Variants in MKLN1 observed in about 807,000 individuals in gnomAD.
MKLN1 encodes the protein muskelin.
Under a neutral mutation model 99.0 loss-of-function variants are expected in MKLN1, and 18 were observed. The ratio of observed to expected loss-of-function variants is 0.18; its 90% confidence interval spans 0.13 to 0.27. The LOEUF (loss-of-function observed/expected upper bound fraction) is 0.27, where lower values mean the gene tolerates loss of function less well. Among genes scored for constraint, MKLN1 ranks in the 10% least tolerant of loss-of-function variants. The pLI is 1.00. For missense variants in MKLN1, 621 were observed against 875.9 expected (o/e 0.71, Z 3.67); for synonymous variants, 288 against 293.2 (o/e 0.98, Z 0.18).
chr7:131,231,234 C>T (rs1797239899), intron 3 of MKLN1, among the ~76,000 whole-genome samples: 1 of 150,710 alleles, frequency 6.6e-6, no homozygotes, highest in Non-Finnish European at 1.5e-5. Context: ...GGACAGTTAG[C>T]ATGTCAGGAA....
intron 17 of MKLN1, among the ~76,000 whole-genome samples, chr7:131,484,362 C>T (rs553501790): frequency 3.0e-4 from 46 of 152,260 alleles, no homozygotes; most frequent in South Asian, 1.0e-3. Context: ...CCCTCCCTAG[C>T]TGTGAGACTT....
chr7:131,115,218 C>T (rs1025992329), intron 1 of MKLN1, among the ~76,000 whole-genome samples: 2 of 152,188 alleles, frequency 1.3e-5, no homozygotes, highest in African/African-American at 4.8e-5. Context: ...AAATACTACA[C>T]TAATAGAATT....
chr7:131,240,464 A>C (rs985414972), intron 3 of MKLN1, among the ~76,000 whole-genome samples: 3 of 151,844 alleles, frequency 2.0e-5, no homozygotes, highest in African/African-American at 7.3e-5. Flanking sequence ...CAAACGTTTA[A>C]AAATTTTTTC....
chr7:131,149,667 A>G lies in MKLN1; in HGVS notation c.-297+6726A>G, dbSNP rs1795861620. On this transcript the variant is annotated intron_variant, in intron 2 of 7. Coordinates refer to the MKLN1 transcript ENST00000416992. ...CCACATTCCAAACAAACAGTTTTTC[A>G]TAAAGCTATGAGTACATGAATAGAG... Among the ~76,000 whole-genome samples, 3 of 152,240 alleles carry G rather than the reference A, an allele frequency of 2.0e-5. No homozygotes were observed. In the South Asian group the frequency reaches 6.2e-4, roughly 31 times the overall value.
At chr7:131,189,698 A>G (rs902078424) in intron 2 of MKLN1, among the ~76,000 whole-genome samples, 7 of 152,178 alleles carry the variant, frequency 4.6e-5, no homozygotes, top group Non-Finnish European at 1.5e-5. Flanking sequence ...ATACTTCTGT[A>G]GTAATAGCAG....
chr7:131,187,482 A>G (rs571551323), intron 2 of MKLN1, among the ~76,000 whole-genome samples: 94 of 152,208 alleles, frequency 6.2e-4, no homozygotes, highest in Non-Finnish European at 8.7e-4. Flanking sequence ...TGTTTCTGTA[A>G]TTAAGTTTTA....
Position 131,478,692 on chromosome 7 carries a change from A to G in MKLN1, c.2086+15A>G, listed in dbSNP as rs1331188854. The G allele has an allele frequency of 5.0e-6, 8 of 1,606,530 alleles. No individual in the cohort carries two copies. Among genetic ancestry groups the G allele is most frequent in the Non-Finnish European group, 6.8e-6 (8 of 1,178,870 alleles). On this transcript the variant is annotated intron_variant, in intron 17 of 17. Coordinates refer to ENST00000352689, the MANE Select transcript of MKLN1 (RefSeq NM_013255.5). ...TACAGCTCTGGGTAAGTATTGCAGT[A>G]TAATTTATCCAGCTAGATGCCCTAG...
At chr7:131,382,460 G>C (rs923090582) in intron 2 of MKLN1, among the ~76,000 whole-genome samples, 7 of 151,676 alleles carry the variant, frequency 4.6e-5, no homozygotes, top group African/African-American at 1.7e-4. Context: ...TTGTATGCTT[G>C]TTGCCTTCTT....
intron 5 of MKLN1, among the ~76,000 whole-genome samples, chr7:131,398,213 G>A (rs1262878750): frequency 6.6e-6 from 1 of 152,014 alleles, no homozygotes; most frequent in Non-Finnish European, 1.5e-5. Flanking sequence ...GAAGTTTGAG[G>A]TAGTCCCAGA....
At chr7:131,172,728 C>T (rs1796235189) in intron 2 of MKLN1, among the ~76,000 whole-genome samples, 1 of 152,194 alleles carries the variant, frequency 6.6e-6, no homozygotes, top group Non-Finnish European at 1.5e-5. Context: ...CCTATAGTAA[C>T]TGCAGCAAGA....
At chr7:131,235,403 A>G (rs1797306829) in intron 3 of MKLN1, among the ~76,000 whole-genome samples, 1 of 152,016 alleles carries the variant, frequency 6.6e-6, no homozygotes, top group South Asian at 2.1e-4. Flanking sequence ...AGCAGAATGT[A>G]TGTTTCATTC....
At chr7:131,363,681 A>T (rs1264824388) in intron 1 of MKLN1, among the ~76,000 whole-genome samples, 1 of 151,298 alleles carries the variant, frequency 6.6e-6, no homozygotes, top group East Asian at 1.9e-4. Flanking sequence ...TTATTTTTAC[A>T]TGAGTGGTTC....
intron 3 of MKLN1, among the ~76,000 whole-genome samples, chr7:131,235,244 G>C (rs1183646877): frequency 6.6e-6 from 1 of 151,448 alleles, no homozygotes; most frequent in East Asian, 1.9e-4. Flanking sequence ...CTCTCTCTCT[G>C]TCTTTGTGTG....
In MKLN1 at chr7:131,327,930, C is replaced by T. The variant is rs568997806; in HGVS notation, c.31C>T (p.Pro11Ser). The T allele has an allele frequency of 1.8e-5, 29 of 1,613,300 alleles. No homozygotes were observed. In the East Asian group the frequency reaches 2.0e-4, roughly 11 times the overall value. MAAGGAVAAAPECRLLPYALH... is the reference protein window; with the variant it reads MAAGGAVAAASECRLLPYALH... ...GGCTGGCGGAGCTGTCGCTGCGGCG[C>T]CCGAGTGCCGGCTTCTCCCCTACGC... is the stretch of plus-strand genomic sequence containing the variant. Residue 11 changes from proline (P) to serine (S), a missense_variant, in exon 1 of 18, where the codon CCC becomes TCC. By Grantham distance (74) the Pro-to-Ser change is moderately conservative. Around this residue, in one of 8 missense-constraint regions of MKLN1, gnomAD observed 58 missense variants for 40.0 expected, o/e 1.45. Transcript: ENST00000352689.
At chr7:131,308,901 G>C (rs1216036116) in intron 3 of MKLN1, among the ~76,000 whole-genome samples, 1 of 152,160 alleles carries the variant, frequency 6.6e-6, no homozygotes, top group Non-Finnish European at 1.5e-5. Flanking sequence ...GTTCCTTATA[G>C]CAATGTGAGA....
At chr7:131,236,398 C>T (rs1042006043) in intron 3 of MKLN1, among the ~76,000 whole-genome samples, 8 of 152,086 alleles carry the variant, frequency 5.3e-5, no homozygotes, top group Admixed American at 1.3e-4. Flanking sequence ...CGGTGGCTCA[C>T]GCCTGTAATC....
In MKLN1 at chr7:131,259,115, A is replaced by T. The variant is rs192939837; in HGVS notation, c.-179+56141A>T. Among the ~76,000 whole-genome samples, 675 of 152,048 alleles carry T rather than the reference A, an allele frequency of 4.4e-3. 7 individuals carry two copies. Among genetic ancestry groups the T allele is most frequent in the Admixed American group, 0.01 (156 of 15,260 alleles). On this transcript the variant is annotated intron_variant, in intron 3 of 7. Transcript: ENST00000416992. ...TTTGAACTTTCTTTTTGGATTTTTT[A>T]AAAAAATATATATATATAAAACACC...
intron 6 of MKLN1, among the ~76,000 whole-genome samples, chr7:131,408,866 G>GA (rs939254250): frequency 1.3e-5 from 2 of 152,110 alleles, no homozygotes; most frequent in Admixed American, 6.6e-5. Context: ...AATTATAGGA[G>GA]AAAAAATGAA....
intron 9 of MKLN1, among the ~76,000 whole-genome samples, chr7:131,430,001 G>A (rs1016303813): frequency 6.6e-6 from 1 of 152,132 alleles, no homozygotes; most frequent in Admixed American, 6.5e-5. Context: ...TTTGAATTAA[G>A]TGCATGATTA....
Sources: gnomAD v4.1 joint callset for allele counts (sites outside exome capture counted in the v4.1 genomes callset) on GRCh38, gnomAD v4.1.1 for gene constraint, gnomAD v4.1.1 regional missense constraint, MANE v1.5 for transcripts, NCBI Gene and HGNC (gene_info 2026-07-23, HGNC 2026-07-21) for gene names.